The following ZNRF3 variants were observed in gnomAD, a reference collection of about 807,000 sequenced individuals.
ZNRF3 encodes the protein zinc and ring finger 3.
In ZNRF3, 23 loss-of-function variants were observed where a neutral mutation model predicts 72.5. The ratio of observed to expected loss-of-function variants is 0.32; its 90% CI spans 0.23 to 0.45. The LOEUF (loss-of-function observed/expected upper bound fraction) is 0.45. Among genes scored for constraint, ZNRF3 ranks in the 20% least tolerant of loss-of-function variants. The pLI is 1.00. For missense variants in ZNRF3, 1,169 were observed against 1,272.1 expected, an observed-to-expected ratio of 0.92 and a Z score of 1.23; for synonymous variants, 610 against 545.3, an observed-to-expected ratio of 1.12 and a Z score of -1.65.
At chr22:28,997,295 T>C (rs2036060767) in intron 2 of ZNRF3, among the ~76,000 whole-genome samples, 2 of 152,076 alleles carry the variant, frequency 1.3e-5, no homozygotes, top group South Asian at 4.2e-4. Context: ...GACGGTATCG[T>C]ACCTTCCCTG....
rs1202081763 is a variant in ZNRF3, at chr22:29,056,523, T to C, written c.*2901T>C. 2 of 152,218 alleles carry C rather than the reference T, an allele frequency of 1.3e-5. No homozygotes were observed. The highest frequency in any genetic ancestry group is 1.3e-4 in the Admixed American group (2 of 15,282). 9.4% of individuals were successfully genotyped at this position (152,218 alleles called of 1,614,324 possible). A position where few individuals can be genotyped will look rare whatever the true frequency, so the allele number is the denominator to read the frequency against. ...ATCAAAAGAAATGTCCTCTTTGAAG[T>C]TGTAAGACTCCACCAATGACAGACA... On this transcript the variant is annotated 3_prime_UTR_variant, in exon 9 of 9. Transcript: ENST00000544604.
At chr22:28,919,299 G>A (rs57119189) in intron 1 of ZNRF3, among the ~76,000 whole-genome samples, 2,239 of 152,300 alleles carry the variant, frequency 0.015, 63 homozygotes, top group African/African-American at 0.052. Context: ...CCCTTAGACA[G>A]ATCTAAAATA....
At chr22:29,032,526 G>A (rs1199504575) in intron 2 of ZNRF3, among the ~76,000 whole-genome samples, 1 of 152,214 alleles carries the variant, frequency 6.6e-6, no homozygotes, top group Admixed American at 6.5e-5. Flanking sequence ...GATGGCACCA[G>A]TAATAAGAAA....
intron 1 of ZNRF3, among the ~76,000 whole-genome samples, chr22:28,893,328 T>A (rs1252318901): frequency 2.0e-5 from 3 of 152,174 alleles, no homozygotes; most frequent in Non-Finnish European, 2.9e-5. Flanking sequence ...ATTGAATGTT[T>A]ACTGTAGATA....
chr22:28,946,217 C>T (rs147822098), intron 1 of ZNRF3, among the ~76,000 whole-genome samples: 6 of 152,250 alleles, frequency 3.9e-5, no homozygotes, highest in Admixed American at 1.3e-4. Context: ...CTTCACCCCC[C>T]GAAAATTATT....
Position 29,050,728 on chromosome 22 carries a change from C to A in ZNRF3, c.2547C>A (p.Thr849=), listed in dbSNP as rs1013263254. Residue 849 remains threonine (T), a synonymous_variant, in exon 8 of 9, where the codon ACC becomes ACA. Transcript: ENST00000544604. ...GCCTGCCCTCGGACTGCCAAGGGAC[C>A]CACAGCCTCGGCTCCTGGGGTGGGA... The part of the protein sequence containing the change: ...DLGLPSDCQG[T]HSLGSWGGTR... 1.9e-6 allele frequency: 3 copies of A among 1,611,006 alleles called. No individual in the cohort carries two copies.
At chr22:28,897,226 C>A (rs371194418) in intron 1 of ZNRF3, among the ~76,000 whole-genome samples, 23 of 152,234 alleles carry the variant, frequency 1.5e-4, no homozygotes, top group African/African-American at 5.3e-4. Context: ...CTGCCCCAGT[C>A]TCTCATTGTT....
At chr22:29,042,645 G>A (rs946197826) in intron 3 of ZNRF3, 76 bp downstream of exon 3, 20 of 1,312,432 alleles carry the variant, frequency 1.5e-5, no homozygotes, top group Middle Eastern at 2.5e-4. Flanking sequence ...GGCTTGTCCC[G>A]GTCATGTCAC....
At chr22:29,052,742 G>A (rs1238640836) in intron 8 of ZNRF3, among the ~76,000 whole-genome samples, 1 of 151,548 alleles carries the variant, frequency 6.6e-6, no homozygotes, top group Non-Finnish European at 1.5e-5. Context: ...GGAAGGCCAA[G>A]GCAGGAGGAT....
chr22:28,939,283 C>CAAA lies in ZNRF3; in HGVS notation c.301-47779_301-47777dup, dbSNP rs132557. Among the ~76,000 whole-genome samples, 169 of 128,484 alleles carry CAAA rather than the reference C, an allele frequency of 1.3e-3. 1 individual carries two copies. Among genetic ancestry groups the CAAA allele is most frequent in the African/African-American group, 4.8e-3 (153 of 32,020 alleles). 84.3% of individuals were successfully genotyped at this position (128,484 alleles called of 152,430 possible). A position where few individuals can be genotyped will look rare whatever the true frequency, so the allele number is the denominator to read the frequency against. On this transcript the variant is annotated intron_variant, in intron 1 of 8. Transcript: ENST00000544604. The stretch of plus-strand genomic sequence containing the variant: ...TGGGCAACAGAGTGAGGCTCTATCT[C>CAAA]AAAAAAAAAAAAAAAACAAAACCTC...
chr22:28,891,347 A>G (rs1053391065), intron 1 of ZNRF3, among the ~76,000 whole-genome samples: 2 of 152,240 alleles, frequency 1.3e-5, no homozygotes, highest in Admixed American at 6.5e-5. Flanking sequence ...CTTTATGATC[A>G]GATGTATAAT....
intron 3 of ZNRF3, among the ~76,000 whole-genome samples, chr22:29,042,860 C>T (rs535165139): frequency 6.6e-6 from 1 of 151,818 alleles, no homozygotes; most frequent in Non-Finnish European, 1.5e-5. Context: ...CTGCAATCTC[C>T]ACCTCCCGGG....
At chr22:28,912,973 A>T (rs756394922) in intron 1 of ZNRF3, among the ~76,000 whole-genome samples, 6 of 152,138 alleles carry the variant, frequency 3.9e-5, no homozygotes, top group Non-Finnish European at 7.4e-5. Flanking sequence ...GCAGGGACAC[A>T]GTTTTCGAAT....
In ZNRF3 at chr22:29,049,052, A is replaced by G; in HGVS notation, c.1016-145A>G. On this transcript the variant is annotated intron_variant, in intron 7 of 8. Transcript: ENST00000544604. This position sits in a 1 kb window ranked among gnomAD's most constrained non-coding sequence, Gnocchi z 5.2. ...AGGTCAGCCTCTGCCGCTGCAGCTC[A>G]GTTTGGGGGCAGGGTTGTGAGAATG... 1.1e-6 allele frequency: 1 copy of G among 920,366 alleles called. No homozygotes were observed. The highest frequency in any genetic ancestry group is 1.6e-6 in the Non-Finnish European group (1 of 609,274). The allele number at this position is 920,366 out of a possible 1,614,324, so 57.0% of individuals were successfully genotyped here.
intron 1 of ZNRF3, among the ~76,000 whole-genome samples, chr22:28,894,821 G>A (rs1601531115): frequency 6.6e-6 from 1 of 152,150 alleles, no homozygotes; most frequent in Admixed American, 6.5e-5. Context: ...TATTTTGTTC[G>A]ATCGCTGTTA....
At chr22:29,028,001 T>C (rs1380156355) in intron 2 of ZNRF3, among the ~76,000 whole-genome samples, 2 of 152,180 alleles carry the variant, frequency 1.3e-5, no homozygotes, top group African/African-American at 4.8e-5. Context: ...GGGATTTGAT[T>C]CTGTAGCTGT....
intron 2 of ZNRF3, among the ~76,000 whole-genome samples, chr22:28,988,723 G>C (rs533094353): frequency 1.3e-5 from 2 of 152,172 alleles, no homozygotes; most frequent in South Asian, 4.1e-4. Context: ...TACAGGGTAG[G>C]AACAGTGCTT....
chr22:28,898,593 C>T (rs1430659934), intron 1 of ZNRF3, among the ~76,000 whole-genome samples: 6 of 152,160 alleles, frequency 3.9e-5, no homozygotes, highest in Admixed American at 6.5e-5. Flanking sequence ...CTTTTGGAGG[C>T]GTAGTAGAAG....
intron 1 of ZNRF3, among the ~76,000 whole-genome samples, chr22:28,982,581 A>G (rs1310296039): frequency 6.6e-6 from 1 of 151,308 alleles, no homozygotes; most frequent in Non-Finnish European, 1.5e-5. Context: ...AAAAAAAAAA[A>G]AAGTGTTAAC....
Sources: allele counts gnomAD v4.1 joint callset (sites outside exome capture counted in the v4.1 genomes callset), GRCh38; gene constraint gnomAD v4.1.1; non-coding constraint Gnocchi (gnomAD v3.1); transcripts MANE v1.5; gene names NCBI Gene and HGNC (gene_info 2026-07-23, HGNC 2026-07-21).